Variants in RBSN observed in about 807,000 individuals in gnomAD.
RBSN encodes rabenosyn, RAB effector.
A neutral mutation model predicts 60.5 loss-of-function variants in RBSN; 34 were observed. The ratio of observed to expected loss-of-function variants is 0.56; its 90% CI spans 0.43 to 0.75. The LOEUF is 0.75. RBSN is among the 30% of genes least tolerant of loss of function. The pLI is 0.00. For synonymous variants in RBSN, 322 were observed against 366.9 expected (o/e 0.88, Z 1.40); for missense variants, 845 against 986.8 (o/e 0.86, Z 1.92).
rs370942309 is a variant in RBSN at position 15,082,524 on chromosome 3, C to T, written c.683G>A (p.Arg228Gln). The change falls in exon 9 of 14, where the codon CGA (arginine) becomes CAA (glutamine). Residue 228 changes from arginine (R) to glutamine (Q), a missense_variant. Arg to Gln is a conservative substitution (Grantham distance 43). Coordinates refer to ENST00000253699, the MANE Select transcript of RBSN (RefSeq NM_022340.4). This position sits in a 1 kb window ranked among gnomAD's most constrained non-coding sequence, Gnocchi z 4.2. ...QSPNSVHGSR[R>Q]GSISSMSSVS... is the part of the protein sequence containing the mutation. Reference sequence around the variant, plus strand: ...ACTGCTCATGCTGCTGATGCTGCCTCGGCGGGAGCCATGGACACTGTTGGG... The same window carrying T: ...ACTGCTCATGCTGCTGATGCTGCCTTGGCGGGAGCCATGGACACTGTTGGG... 4.3e-6 allele frequency: 7 copies of T among 1,614,044 alleles called. No homozygotes were observed. Among genetic ancestry groups the T allele is most frequent in the African/African-American group, 4.0e-5 (3 of 74,912 alleles).
In RBSN at chr3:15,084,474, T is replaced by A. The variant is rs1429848386; in HGVS notation, c.598+261A>T. ...GAAAGAAGAAATGTCACAGCAACCA[T>A]ATGTGGCCCACAAAGCCTAAATGTA... On this transcript the variant is annotated intron_variant, in intron 8 of 13. Coordinates refer to ENST00000253699, the MANE Select transcript of RBSN (RefSeq NM_022340.4). The surrounding 1 kb of genome is among the most constrained non-coding windows in gnomAD (Gnocchi z 4.2). Among the ~76,000 whole-genome samples the A allele has an allele frequency of 6.6e-6, 1 of 152,190 alleles. No homozygotes were observed. Among genetic ancestry groups the A allele is most frequent in the Non-Finnish European group, 1.5e-5 (1 of 68,044 alleles).
rs773356650 is a variant in RBSN at position 15,077,050 on chromosome 3, G to A, written c.1101+12C>T. ...CAAGTGCAACATTTATGCCAACCCA[G>A]GATGGCTTTACCTGCACAAAAAGTG... is the stretch of plus-strand genomic sequence containing the variant. On this transcript the variant is annotated intron_variant, in intron 12 of 13. Coordinates refer to ENST00000253699, the MANE Select transcript of RBSN (RefSeq NM_022340.4). The surrounding 1 kb of genome is among the most constrained non-coding windows in gnomAD (Gnocchi z 4.4). 1 of 1,613,350 alleles carries A rather than the reference G, an allele frequency of 6.2e-7. No homozygotes were observed. The highest frequency in any genetic ancestry group is 8.5e-7 in the Non-Finnish European group (1 of 1,179,352).
intron 13 of RBSN, chr3:15,075,131 T>C (rs1389245945): frequency 9.4e-6 from 6 of 639,208 alleles, no homozygotes; most frequent in Non-Finnish European, 1.6e-5. Context: ...TTTTCAAAAA[T>C]AAAATATAAT....
At chr3:15,098,929 C>T (rs980140935) in intron 1 of RBSN, 106 bp downstream of exon 1, 1 of 153,014 alleles carries the variant, frequency 6.5e-6, no homozygotes, top group African/African-American at 2.4e-5. Context: ...GCCCCATCTC[C>T]CACCTCTCAC....
chr3:15,082,709 T>C lies in RBSN; in HGVS notation c.599-101A>G. The C allele has an allele frequency of 6.7e-7, 1 of 1,488,062 alleles. No individual in the cohort carries two copies. Among genetic ancestry groups the C allele is most frequent in the Non-Finnish European group, 9.0e-7 (1 of 1,105,962 alleles). The allele number at this position is 1,488,062 out of a possible 1,614,324, so 92.2% of individuals were successfully genotyped here. On this transcript the variant is annotated intron_variant, in intron 8 of 13. Coordinates refer to ENST00000253699, the MANE Select transcript of RBSN (RefSeq NM_022340.4). This position sits in a 1 kb window ranked among gnomAD's most constrained non-coding sequence, Gnocchi z 4.2. Reference sequence around the variant, plus strand: ...GTCCACAGGTGTTTGATTTGGAGAGTAATAAGATCAGGCTCCAGCTGTGGG... The same window carrying C: ...GTCCACAGGTGTTTGATTTGGAGAGCAATAAGATCAGGCTCCAGCTGTGGG...
chr3:15,090,608 C>G (rs2043487642), intron 4 of RBSN, 69 bp from the exon 5 acceptor site: 1 of 1,548,446 alleles, frequency 6.5e-7, no homozygotes, highest in South Asian at 1.2e-5. Context: ...AAAGAAATCT[C>G]AAAAAACAAG....
chr3:15,091,389 T>C (rs1168466208), intron 4 of RBSN: 26 of 1,200,024 alleles, frequency 2.2e-5, no homozygotes, highest in Non-Finnish European at 2.4e-5. Flanking sequence ...GTGTTCCCCA[T>C]AGGCTTAACT....
At chr3:15,090,902 G>C (rs1361036045) in intron 4 of RBSN, among the ~76,000 whole-genome samples, 1 of 152,126 alleles carries the variant, frequency 6.6e-6, no homozygotes, top group Non-Finnish European at 1.5e-5. Context: ...TGGAGTGGTG[G>C]TGAAGTGGGT....
In RBSN at chr3:15,095,997, G is replaced by A. The variant is rs1354804412; in HGVS notation, c.124C>T (p.Arg42Cys). The change falls in exon 4 of 14, where the codon CGT (arginine) becomes TGT (cysteine). Residue 42 changes from arginine to cysteine, a missense_variant. Transcript: ENST00000253699. ...HYEEEHSGED[R>C]DVKGQIKSLV... Reference sequence around the variant, plus strand: ...CTTTTAATTTGCCCTTTGACATCACGGTCTTCCCCTGAGTGTTCTTCCTCG... The same window carrying A: ...CTTTTAATTTGCCCTTTGACATCACAGTCTTCCCCTGAGTGTTCTTCCTCG... The A allele has an allele frequency of 3.1e-6, 5 of 1,614,156 alleles. No homozygotes were observed. Among genetic ancestry groups the A allele is most frequent in the East Asian group, 2.2e-5 (1 of 44,880 alleles).
At chr3:15,075,521 C>T (rs2043031023) in intron 13 of RBSN, 85 bp downstream of exon 13, 5 of 1,072,420 alleles carry the variant, frequency 4.7e-6, no homozygotes, top group Admixed American at 3.4e-5. Context: ...TTCACTACAA[C>T]CGCACACAAC....
At chr3:15,091,210 CA>C (rs55655564) in intron 4 of RBSN, 4,126 of 115,142 alleles carry the variant, frequency 0.036, 35 homozygotes, top group South Asian at 0.11. Context: ...GACCCTGTCT[CA>C]AAAAAAAAAA....
rs2043094148 is a variant in RBSN, at chr3:15,077,929, C to G, written c.998+146G>C. On this transcript the variant is annotated intron_variant, in intron 11 of 13. Coordinates refer to ENST00000253699, the MANE Select transcript of RBSN (RefSeq NM_022340.4). The surrounding 1 kb of genome is among the most constrained non-coding windows in gnomAD (Gnocchi z 4.4). ...AAAGTCACTGAGATGCATTAAGTGCCAGAGCTGGCCCCTTCCTTGCCCTCC... is the reference window on the plus strand; with the variant it reads ...AAAGTCACTGAGATGCATTAAGTGCGAGAGCTGGCCCCTTCCTTGCCCTCC... 1 of 651,286 alleles carries G rather than the reference C, an allele frequency of 1.5e-6. No homozygotes were observed. The highest frequency in any genetic ancestry group is 1.9e-5 in the South Asian group (1 of 52,884). 40.3% of individuals were successfully genotyped at this position (651,286 alleles called of 1,614,324 possible).
In RBSN at chr3:15,071,486, A is replaced by T. The variant is rs2042925185; in HGVS notation, c.*2296T>A. Reference sequence around the variant, plus strand: ...GCAACATCTTAGATGCCTGGTTGCCAACTTCTCAAAACAACCCATAACAAC... The same window carrying T: ...GCAACATCTTAGATGCCTGGTTGCCTACTTCTCAAAACAACCCATAACAAC... On this transcript the variant is annotated 3_prime_UTR_variant, in exon 14 of 14. Coordinates refer to ENST00000253699, the MANE Select transcript of RBSN (RefSeq NM_022340.4). 1 of 152,224 alleles carries T rather than the reference A, an allele frequency of 6.6e-6. No homozygotes were observed. The highest frequency in any genetic ancestry group is 6.5e-5 in the Admixed American group (1 of 15,286). 9.4% of individuals were successfully genotyped at this position (152,224 alleles called of 1,614,324 possible).
At chr3:15,076,321 C>T (rs2043052496) in intron 12 of RBSN, among the ~76,000 whole-genome samples, 1 of 152,138 alleles carries the variant, frequency 6.6e-6, no homozygotes, top group South Asian at 2.1e-4. Context: ...TCTTTGTTGG[C>T]TGGGTGCAGT....
intron 5 of RBSN, among the ~76,000 whole-genome samples, chr3:15,087,605 AT>A (rs1273647462): frequency 2.6e-5 from 4 of 152,052 alleles, no homozygotes; most frequent in Non-Finnish European, 5.9e-5. Context: ...TTCGATCAGC[AT>A]CTCCACATGC....
chr3:15,084,788 C>T lies in RBSN; in HGVS notation c.545G>A (p.Cys182Tyr), dbSNP rs1273447966. ...ACACTTCTTGCACATAATAGACCCG[C>T]AGAGGCGGCAGTGGTGGCGGCGGTT... The part of the protein sequence containing the change: ...IRNRRHHCRL[C>Y]GSIMCKKCME... The change falls in exon 8 of 14, where the codon TGC (cysteine) becomes TAC (tyrosine). Residue 182 changes from cysteine to tyrosine, a missense_variant. Transcript: ENST00000253699. This position sits in a 1 kb window ranked among gnomAD's most constrained non-coding sequence, Gnocchi z 4.2. 2.5e-6 allele frequency: 4 copies of T among 1,614,148 alleles called. No homozygotes were observed. Among genetic ancestry groups the T allele is most frequent in the Non-Finnish European group, 3.4e-6 (4 of 1,180,008 alleles).
At position 15,077,582 on chromosome 3, in the gene RBSN, A is replaced by G. The variant is rs1334973386; in HGVS notation, c.999-418T>C. 6.6e-6 allele frequency among the ~76,000 whole-genome samples: 1 copy of G among 152,236 alleles called. No homozygotes were observed. Among genetic ancestry groups the G allele is most frequent in the Non-Finnish European group, 1.5e-5 (1 of 68,038 alleles). ...ACTCCTGCTGTATGTCTGGATGGACAAAGGCACCTCATCTTATTCTCCCTC... is the reference window on the plus strand; with the variant it reads ...ACTCCTGCTGTATGTCTGGATGGACGAAGGCACCTCATCTTATTCTCCCTC... On this transcript the variant is annotated intron_variant, in intron 11 of 13. Coordinates refer to ENST00000253699, the MANE Select transcript of RBSN (RefSeq NM_022340.4). This position sits in a 1 kb window ranked among gnomAD's most constrained non-coding sequence, Gnocchi z 4.4.
At chr3:15,076,334 C>A (rs71308122) in intron 12 of RBSN, among the ~76,000 whole-genome samples, 13,851 of 152,190 alleles carry the variant, frequency 0.091, 746 homozygotes, top group Middle Eastern at 0.16. Context: ...GGTGCAGTGG[C>A]TCACGCCTAT....
At position 15,070,503 on chromosome 3, in the gene RBSN, G is replaced by A. The variant is rs1007476731; in HGVS notation, c.*3279C>T. 5 of 152,636 alleles carry A rather than the reference G, an allele frequency of 3.3e-5. No individual in the cohort carries two copies. Among genetic ancestry groups the A allele is most frequent in the African/African-American group, 1.2e-4 (5 of 41,452 alleles). 9.5% of individuals were successfully genotyped at this position (152,636 alleles called of 1,614,324 possible). A position where few individuals can be genotyped will look rare whatever the true frequency, so the allele number is the denominator to read the frequency against. On this transcript the variant is annotated 3_prime_UTR_variant, in exon 14 of 14. Coordinates refer to ENST00000253699, the MANE Select transcript of RBSN (RefSeq NM_022340.4). ...CATATCAAGACCTTGCTCATCTGGT[G>A]ATGAGACGGGGCTGTTTGCCTTGGA...
Sources: allele counts gnomAD v4.1 joint callset (sites outside exome capture counted in the v4.1 genomes callset), GRCh38; gene constraint gnomAD v4.1.1; non-coding constraint Gnocchi (gnomAD v3.1); transcripts MANE v1.5; gene names NCBI Gene and HGNC (gene_info 2026-07-23, HGNC 2026-07-21).